The following KCNH7 variants were observed in gnomAD, a reference collection of about 807,000 sequenced individuals.
The protein encoded by KCNH7 is potassium voltage-gated channel subfamily H member 7.
In KCNH7, 49 loss-of-function variants were observed where a neutral mutation model predicts 120.8. The ratio of observed to expected loss-of-function variants is 0.41; its 90% CI spans 0.32 to 0.51. The LOEUF is 0.51. KCNH7 is among the 20% of genes least tolerant of loss of function. The pLI, the probability that KCNH7 is intolerant of heterozygous loss-of-function variation, is 0.38. For synonymous variants in KCNH7, 547 were observed against 516.1 expected (o/e 1.06, Z -0.81); for missense variants, 1,097 against 1,446.6 (o/e 0.76, Z 3.92).
At chr2:162,428,063 C>T (rs1157429179) in intron 8 of KCNH7, among the ~76,000 whole-genome samples, 27 of 151,352 alleles carry the variant, frequency 1.8e-4, no homozygotes, top group Admixed American at 1.8e-3. Flanking sequence ...ATTTGCTTGC[C>T]TTTTACTAGC....
intron 2 of KCNH7, among the ~76,000 whole-genome samples, chr2:162,753,027 A>C (rs1002459067): frequency 4.8e-5 from 7 of 146,774 alleles, no homozygotes; most frequent in South Asian, 2.1e-4. Flanking sequence ...AGAAAAGAAA[A>C]GAAACCCTGA....
intron 2 of KCNH7, among the ~76,000 whole-genome samples, chr2:162,780,736 C>A (rs970014944): frequency 1.3e-5 from 2 of 152,094 alleles, no homozygotes; most frequent in Non-Finnish European, 2.9e-5. Context: ...AAACAATCGA[C>A]TCAACAACTT....
intron 2 of KCNH7, among the ~76,000 whole-genome samples, chr2:162,620,768 C>T (rs537979443): frequency 1.1e-3 from 163 of 152,212 alleles, no homozygotes; most frequent in African/African-American, 3.8e-3. Flanking sequence ...TACAATTTTT[C>T]TTGCATCTTT....
chr2:162,748,161 C>T, intron 2 of KCNH7, among the ~76,000 whole-genome samples: 1 of 152,306 alleles, frequency 6.6e-6, no homozygotes, highest in East Asian at 1.9e-4. Context: ...CTCTTGGGAC[C>T]TCATTATTTC....
chr2:162,740,634 C>A (rs1688093294), intron 2 of KCNH7, among the ~76,000 whole-genome samples: 1 of 152,278 alleles, frequency 6.6e-6, no homozygotes, highest in East Asian at 1.9e-4. Context: ...AAATTTGAAT[C>A]CTGAGACTGG....
chr2:162,782,586 C>A (rs1319480877), intron 2 of KCNH7, among the ~76,000 whole-genome samples: 3 of 152,104 alleles, frequency 2.0e-5, no homozygotes, highest in Non-Finnish European at 4.4e-5. Flanking sequence ...AGAGTCCAAC[C>A]TTCAAACTTC....
At chr2:162,471,356 T>A (rs1009044413) in intron 6 of KCNH7, among the ~76,000 whole-genome samples, 2 of 152,186 alleles carry the variant, frequency 1.3e-5, no homozygotes, top group Admixed American at 6.5e-5. Flanking sequence ...ATGCACTTGG[T>A]CTCCTGTGTA....
intron 9 of KCNH7, among the ~76,000 whole-genome samples, chr2:162,415,157 A>C (rs1419329940): frequency 6.6e-6 from 1 of 151,904 alleles, no homozygotes; most frequent in Non-Finnish European, 1.5e-5. Context: ...TTAAAAAAAA[A>C]AACAAAAAAC....
At chr2:162,809,796 A>G (rs1684671301) in intron 2 of KCNH7, among the ~76,000 whole-genome samples, 1 of 152,160 alleles carries the variant, frequency 6.6e-6, no homozygotes, top group Middle Eastern at 3.4e-3. Flanking sequence ...AAGCAGAAGT[A>G]CTCTGACACT....
intron 9 of KCNH7, among the ~76,000 whole-genome samples, chr2:162,402,417 T>C (rs1297697983): frequency 6.8e-6 from 1 of 146,934 alleles, no homozygotes; most frequent in Non-Finnish European, 1.5e-5. Context: ...TAGAGTGTTG[T>C]GGCCAAATTT....
intron 9 of KCNH7, among the ~76,000 whole-genome samples, chr2:162,404,944 C>T (rs79900435): frequency 0.025 from 3,806 of 152,152 alleles, 64 homozygotes; most frequent in Non-Finnish European, 0.035. Flanking sequence ...ATTTCCCACA[C>T]TCTACTTTCA....
chr2:162,706,458 A>G (rs1453946548), intron 2 of KCNH7, among the ~76,000 whole-genome samples: 5 of 152,036 alleles, frequency 3.3e-5, no homozygotes, highest in Non-Finnish European at 5.9e-5. Flanking sequence ...TATTTTCCCT[A>G]TTTTACAGAT....
chr2:162,719,984 T>C (rs1383002763), intron 2 of KCNH7, among the ~76,000 whole-genome samples: 1 of 152,032 alleles, frequency 6.6e-6, no homozygotes, highest in African/African-American at 2.4e-5. Context: ...AATCTCAATC[T>C]GAGTTTCTGT....
At chr2:162,587,988 G>C (rs577142094) in intron 2 of KCNH7, among the ~76,000 whole-genome samples, 15 of 151,996 alleles carry the variant, frequency 9.9e-5, no homozygotes, top group Admixed American at 7.2e-4. Context: ...ATCTCTAATT[G>C]CTGCCAAGAA....
intron 2 of KCNH7, among the ~76,000 whole-genome samples, chr2:162,648,488 T>C (rs1249587566): frequency 6.6e-6 from 1 of 152,166 alleles, no homozygotes. Context: ...AACCACATCA[T>C]GCTAAGCTCT....
chr2:162,412,236 TTAA>T (rs1319740715), intron 9 of KCNH7, among the ~76,000 whole-genome samples: 1 of 152,026 alleles, frequency 6.6e-6, no homozygotes, highest in African/African-American at 2.4e-5. Context: ...CTATATAAAA[TTAA>T]TAAAGATATT....
intron 2 of KCNH7, among the ~76,000 whole-genome samples, chr2:162,547,968 G>A (rs1692537229): frequency 6.6e-6 from 1 of 152,154 alleles, no homozygotes; most frequent in African/African-American, 2.4e-5. Context: ...TCAGGCACAA[G>A]AGTGATGATA....
chr2:162,657,867 G>A (rs1200505714), intron 2 of KCNH7, among the ~76,000 whole-genome samples: 3 of 140,086 alleles, frequency 2.1e-5, no homozygotes, highest in African/African-American at 3.1e-5. Context: ...AAAACTCATA[G>A]AAGATAACAA....
intron 2 of KCNH7, among the ~76,000 whole-genome samples, chr2:162,767,680 A>G (rs1682875526): frequency 6.6e-6 from 1 of 152,128 alleles, no homozygotes; most frequent in African/African-American, 2.4e-5. Context: ...CTATAACTGC[A>G]TAAATAAGTG....
Sources: allele counts gnomAD v4.1 joint callset (sites outside exome capture counted in the v4.1 genomes callset), GRCh38; gene constraint gnomAD v4.1.1; transcripts MANE v1.5; gene names NCBI Gene and HGNC (gene_info 2026-07-23, HGNC 2026-07-21).